The following SNX29 variants were observed in gnomAD, a reference collection of about 807,000 sequenced individuals.
SNX29 encodes sorting nexin 29, also known as sorting nexin-29.
In SNX29, 78 loss-of-function variants were observed where a neutral mutation model predicts 102.1. The observed-to-expected ratio is 0.76, with a 90% confidence interval of 0.64 to 0.92. The LOEUF (loss-of-function observed/expected upper bound fraction) is 0.92. Ranked by LOEUF, SNX29 falls within the 40% of genes least tolerant of loss-of-function variation. The probability of loss-of-function intolerance (pLI) is 0.00; values close to 1 mark genes in which losing one functional copy is unlikely to be tolerated. For synonymous variants in SNX29, 580 were observed against 414.5 expected, an observed-to-expected ratio of 1.40 and a Z score of -4.85; for missense variants, 1,280 against 1,061.7, an observed-to-expected ratio of 1.21 and a Z score of -2.86.
At chr16:12,430,698 GTTACTA>G (rs2085274112) in intron 18 of SNX29, among the ~76,000 whole-genome samples, 2 of 152,192 alleles carry the variant, frequency 1.3e-5, no homozygotes, top group Admixed American at 1.3e-4. Flanking sequence ...TGTTATGACT[GTTACTA>G]TTACTTTTGT....
intron 11 of SNX29, among the ~76,000 whole-genome samples, chr16:12,102,214 C>G (rs1484255950): frequency 6.6e-6 from 1 of 152,184 alleles, no homozygotes; most frequent in Non-Finnish European, 1.5e-5. Context: ...GTGAATAGTG[C>G]CGCAGTAAAC....
At chr16:12,510,213 A>C (rs536728169) in intron 19 of SNX29, among the ~76,000 whole-genome samples, 7 of 152,162 alleles carry the variant, frequency 4.6e-5, no homozygotes, top group South Asian at 2.1e-4. Context: ...CATGTATTCT[A>C]CTGTGTTTAA....
In SNX29 at chr16:12,570,136, G is replaced by C. The variant is rs11646569; in HGVS notation, c.*1507G>C. ...AGATTGTTCATGGCCTTTAAGGAAG[G>C]CTGAGATCACTCACACACAGCGCCC... On this transcript the variant is annotated 3_prime_UTR_variant, in exon 21 of 21. Coordinates refer to ENST00000566228, the MANE Select transcript of SNX29 (RefSeq NM_032167.5). 1.9e-6 allele frequency: 2 copies of C among 1,057,362 alleles called. No individual in the cohort carries two copies. The highest frequency in any genetic ancestry group is 2.3e-6 in the Non-Finnish European group (2 of 872,308). 65.5% of individuals were successfully genotyped at this position (1,057,362 alleles called of 1,614,324 possible).
intron 20 of SNX29, among the ~76,000 whole-genome samples, chr16:12,564,543 C>A (rs9939198): frequency 6.6e-6 from 1 of 152,010 alleles, no homozygotes; most frequent in Non-Finnish European, 1.5e-5. Context: ...GGAGTTAAGG[C>A]CTTTGGCAAC....
At chr16:12,380,962 AAT>A (rs2083095914) in intron 16 of SNX29, among the ~76,000 whole-genome samples, 1 of 47,856 alleles carries the variant, frequency 2.1e-5, no homozygotes, top group African/African-American at 1.1e-4. Flanking sequence ...CCCATCCATC[AAT>A]TTCATCCACC....
chr16:12,552,551 G>T (rs1287349687), intron 20 of SNX29, among the ~76,000 whole-genome samples: 4 of 152,186 alleles, frequency 2.6e-5, no homozygotes, highest in Admixed American at 2.0e-4. Context: ...CCCCAGCACT[G>T]GCACACAGGC....
rs761888373 is a variant in SNX29, at chr16:12,129,711, G to A, written c.1548G>A (p.Val516=). ...AGGTGGACACCTTGAAAAGGAAGGTGGCTGAACAGGAGGAGCGGCAGGGCA... is the reference window on the plus strand; with the variant it reads ...AGGTGGACACCTTGAAAAGGAAGGTAGCTGAACAGGAGGAGCGGCAGGGCA... The part of the protein sequence containing the change: ...RQEVDTLKRK[V]AEQEERQGMK... The change falls in exon 13 of 21, where the codon GTG becomes GTA. Residue 516 remains valine, a synonymous_variant. Transcript: ENST00000566228. 2.5e-6 allele frequency: 4 copies of A among 1,610,716 alleles called. No individual in the cohort carries two copies. Among genetic ancestry groups the A allele is most frequent in the Middle Eastern group, 2.2e-4 (1 of 4,464 alleles).
At chr16:12,082,213 T>A (rs970220618) in intron 11 of SNX29, among the ~76,000 whole-genome samples, 1 of 152,154 alleles carries the variant, frequency 6.6e-6, no homozygotes, top group Admixed American at 6.5e-5. Flanking sequence ...GCATTTTTTT[T>A]TTTTAAAGGA....
chr16:12,122,531 G>C, intron 11 of SNX29, among the ~76,000 whole-genome samples: 1 of 152,106 alleles, frequency 6.6e-6, no homozygotes, highest in South Asian at 2.1e-4. Context: ...GAGGGGGCCA[G>C]GCCTTCCAGA....
intron 20 of SNX29, among the ~76,000 whole-genome samples, chr16:12,567,365 T>G (rs1382865904): frequency 6.6e-6 from 1 of 152,196 alleles, no homozygotes; most frequent in Admixed American, 6.5e-5. Context: ...TTGCCTTGTT[T>G]TAAAACATTT....
At chr16:12,560,865 G>C (rs895007879) in intron 20 of SNX29, 6 of 185,290 alleles carry the variant, frequency 3.2e-5, no homozygotes, top group East Asian at 8.8e-5. Flanking sequence ...ATTGGTGTTA[G>C]TCCTTTAGTT....
intron 20 of SNX29, among the ~76,000 whole-genome samples, chr16:12,531,028 C>G (rs1335352350): frequency 1.3e-5 from 2 of 152,230 alleles, no homozygotes; most frequent in East Asian, 3.8e-4. Context: ...CACATTTTGG[C>G]AGGTAGAGCT....
At chr16:12,119,145 A>G (rs987852646) in intron 11 of SNX29, among the ~76,000 whole-genome samples, 16 of 152,158 alleles carry the variant, frequency 1.1e-4, no homozygotes, top group Non-Finnish European at 1.9e-4. Context: ...GGCTTCTCTC[A>G]ACAACTCAGG....
intron 18 of SNX29, among the ~76,000 whole-genome samples, chr16:12,461,728 G>A (rs2086781622): frequency 6.6e-6 from 1 of 151,548 alleles, no homozygotes; most frequent in African/African-American, 2.4e-5. Context: ...AGGCTAAGGC[G>A]AGCAGATCAC....
intron 20 of SNX29, among the ~76,000 whole-genome samples, chr16:12,550,397 T>C (rs1362791169): frequency 6.6e-6 from 1 of 152,074 alleles, no homozygotes. Flanking sequence ...TAGCCAGGCA[T>C]GGTGGTGCAC....
rs551553461 is a variant in SNX29 at position 12,339,918 on chromosome 16, C to G, written c.1783-16245C>G. Among the ~76,000 whole-genome samples, 86 of 152,254 alleles carry G rather than the reference C, an allele frequency of 5.6e-4. 1 individual carries two copies. The highest frequency in any genetic ancestry group is 1.1e-3 in the Non-Finnish European group (76 of 68,022). The stretch of plus-strand genomic sequence containing the variant: ...AGTGGGGGCGTTTGGTCAGCTTCCC[C>G]AGATCACTAGGAAGAGAGGTGGTTT... On this transcript the variant is annotated intron_variant, in intron 15 of 20. Transcript: ENST00000566228.
chr16:12,240,436 A>T (rs1262689697), intron 14 of SNX29, among the ~76,000 whole-genome samples: 1 of 151,970 alleles, frequency 6.6e-6, no homozygotes, highest in African/African-American at 2.4e-5. Flanking sequence ...TTCCAGGACT[A>T]TTGACCATTT....
At chr16:12,559,249 G>A (rs531201089) in intron 20 of SNX29, among the ~76,000 whole-genome samples, 7 of 152,116 alleles carry the variant, frequency 4.6e-5, no homozygotes, top group South Asian at 4.2e-4. Flanking sequence ...TCGCATCACC[G>A]CCTGAGCTCT....
At chr16:12,437,389 G>T (rs1378585453) in intron 18 of SNX29, among the ~76,000 whole-genome samples, 1 of 152,222 alleles carries the variant, frequency 6.6e-6, no homozygotes, top group Non-Finnish European at 1.5e-5. Context: ...TCATAGCGGG[G>T]AGAGTCAGGT....
Sources: allele counts gnomAD v4.1 joint callset (sites outside exome capture counted in the v4.1 genomes callset), GRCh38; gene constraint gnomAD v4.1.1; transcripts MANE v1.5; gene names NCBI Gene and HGNC (gene_info 2026-07-23, HGNC 2026-07-21).